Variants in FAAH2 observed in about 807,000 individuals in gnomAD.
FAAH2 encodes fatty-acid amide hydrolase 2.
A neutral mutation model predicts 36.9 loss-of-function variants in FAAH2; 60 were observed. The ratio of observed to expected loss-of-function variants is 1.63; its 90% CI spans 1.32 to 2.02. The LOEUF (loss-of-function observed/expected upper bound fraction) is 2.02, where lower values mean the gene tolerates loss of function less well. Ranked by LOEUF, FAAH2 falls within the 30% of genes most tolerant of loss-of-function variation. The pLI is 0.00. For missense variants in FAAH2, 689 were observed against 397.5 expected (o/e 1.73, Z -6.23); for synonymous variants, 214 against 143.8 (o/e 1.49, Z -3.49).
chrX:57,384,124 T>G (rs1325072401), intron 7 of FAAH2, among the ~76,000 whole-genome samples: 31 of 110,574 alleles, frequency 2.8e-4, no homozygotes, highest in Non-Finnish European at 4.5e-4. Flanking sequence ...TAGCCATATG[T>G]AGAAAGCTGA....
rs2055264624 is a variant in FAAH2 at position 57,395,184 on chromosome X, GGTT to G, written c.996+14159_996+14161del. ...TGTACTTGATCACCTCAGATTCTGTGGTTGTTCTTGGTAACTTAATGTCAGTGG... is the reference window on the plus strand; with the variant it reads ...TGTACTTGATCACCTCAGATTCTGTGGTTCTTGGTAACTTAATGTCAGTGG... On this transcript the variant is annotated intron_variant, in intron 7 of 10. Transcript: ENST00000374900. The G allele has an allele frequency of 1.5e-5, 8 of 534,036 alleles. No homozygotes were observed. The South Asian group carries it at 1.6e-4, about 10-fold the overall frequency. The allele number at this position is 534,036 out of a possible 1,213,427, so 44.0% of individuals were successfully genotyped here. A position where few individuals can be genotyped will look rare whatever the true frequency, so the allele number is the denominator to read the frequency against.
the FAAH2 span, among the ~76,000 whole-genome samples, chrX:57,216,599 T>TATATATATAC: frequency 2.9e-5 from 1 of 34,049 alleles, no homozygotes; most frequent in African/African-American, 9.6e-5. Context: ...TATATATATG[T>TATATATATAC]ATATATATAC....
At chrX:57,159,316 T>G in the FAAH2 span, among the ~76,000 whole-genome samples, 28 of 111,961 alleles carry the variant, frequency 2.5e-4, no homozygotes, top group East Asian at 6.4e-3. Flanking sequence ...TTGACTTGGC[T>G]ATGCGGGCTG....
chrX:57,332,968 C>A (rs1426267950), intron 4 of FAAH2, among the ~76,000 whole-genome samples: 2 of 111,147 alleles, frequency 1.8e-5, no homozygotes, highest in East Asian at 5.6e-4. Context: ...CTGAAGGGGT[C>A]AAAGCAGAAT....
intron 5 of FAAH2, among the ~76,000 whole-genome samples, chrX:57,346,135 G>T (rs2053815638): frequency 9.0e-6 from 1 of 110,919 alleles, no homozygotes; most frequent in African/African-American, 3.3e-5. Flanking sequence ...ATGTCTATCA[G>T]GTGCAATTAG....
chrX:57,385,015 C>G (rs1164696370), intron 7 of FAAH2, among the ~76,000 whole-genome samples: 1 of 110,807 alleles, frequency 9.0e-6, no homozygotes. Flanking sequence ...TTATTCTCAG[C>G]AAACTATCAC....
At chrX:57,144,088 T>C in the FAAH2 span, among the ~76,000 whole-genome samples, 2 of 112,172 alleles carry the variant, frequency 1.8e-5, no homozygotes, top group African/African-American at 3.2e-5. Flanking sequence ...GCTGGCAGTA[T>C]TCTCAGCTTT....
intron 2 of FAAH2, among the ~76,000 whole-genome samples, chrX:57,304,815 G>C (rs2052473633): frequency 9.0e-6 from 1 of 111,615 alleles, no homozygotes; most frequent in Admixed American, 9.5e-5. Flanking sequence ...TAATGAAGCA[G>C]TTGTTATGTA....
intron 10 of FAAH2, among the ~76,000 whole-genome samples, chrX:57,473,795 T>A (rs1426586467): frequency 8.9e-6 from 1 of 111,764 alleles, no homozygotes; most frequent in Middle Eastern, 4.2e-3. Flanking sequence ...CCATTGTTGA[T>A]CTAAAGTCTG....
the FAAH2 span, chrX:57,126,856 A>C: frequency 8.9e-6 from 1 of 111,942 alleles, no homozygotes; most frequent in Non-Finnish European, 1.9e-5. Context: ...AAAGAGAAGC[A>C]GGAAATAATG....
At chrX:57,364,542 T>A (rs1316076002) in intron 5 of FAAH2, among the ~76,000 whole-genome samples, 2 of 108,475 alleles carry the variant, frequency 1.8e-5, no homozygotes, top group Non-Finnish European at 3.8e-5. Context: ...TTTGTATGGA[T>A]TTTGCTATCT....
At chrX:57,203,505 G>T in the FAAH2 span, among the ~76,000 whole-genome samples, 1 of 112,000 alleles carries the variant, frequency 8.9e-6, no homozygotes, top group African/African-American at 3.2e-5. Context: ...TTTATGGCCA[G>T]ATTTGAGGAC....
the FAAH2 span, among the ~76,000 whole-genome samples, chrX:57,128,678 G>T: frequency 9.0e-6 from 1 of 111,322 alleles, no homozygotes; most frequent in African/African-American, 3.3e-5. Context: ...AAATGCAAAG[G>T]GGATTTATAA....
At chrX:57,316,531 G>A in intron 3 of FAAH2, among the ~76,000 whole-genome samples, 1 of 111,271 alleles carries the variant, frequency 9.0e-6, no homozygotes, top group East Asian at 2.8e-4. Flanking sequence ...CAGACACATA[G>A]ACCAATGGAA....
chrX:57,340,170 G>T (rs1256421996), intron 4 of FAAH2, among the ~76,000 whole-genome samples: 1 of 111,664 alleles, frequency 9.0e-6, no homozygotes, highest in African/African-American at 3.3e-5. Flanking sequence ...AAGAACTTGG[G>T]GTCCGATGTT....
chrX:57,403,821 A>G (rs2055499358), intron 7 of FAAH2, among the ~76,000 whole-genome samples: 1 of 112,406 alleles, frequency 8.9e-6, no homozygotes, highest in Non-Finnish European at 1.9e-5. Context: ...AGACATTTGT[A>G]TGGTAATTAA....
At chrX:57,341,654 T>C (rs910522851) in intron 5 of FAAH2, among the ~76,000 whole-genome samples, 35 of 108,877 alleles carry the variant, frequency 3.2e-4, no homozygotes, top group African/African-American at 1.1e-3. Flanking sequence ...AATTTACAAA[T>C]GACAAATTCA....
At chrX:57,461,608 A>G (rs1195154735) in intron 10 of FAAH2, among the ~76,000 whole-genome samples, 1 of 111,570 alleles carries the variant, frequency 9.0e-6, no homozygotes, top group African/African-American at 3.3e-5. Flanking sequence ...ACCAATGAGA[A>G]CCAAGACAGA....
chrX:57,360,119 T>A (rs190951063), intron 5 of FAAH2, among the ~76,000 whole-genome samples: 4 of 110,551 alleles, frequency 3.6e-5, no homozygotes. Context: ...GATTCTCTCT[T>A]TATCTGTGAT....
Sources: gnomAD v4.1 joint callset for allele counts (sites outside exome capture counted in the v4.1 genomes callset) on GRCh38, gnomAD v4.1.1 for gene constraint, MANE v1.5 for transcripts, NCBI Gene and HGNC (gene_info 2026-07-23, HGNC 2026-07-21) for gene names.